Variants in PSMB7 observed in about 807,000 individuals in gnomAD.
The protein encoded by PSMB7 is proteasome subunit beta type-7.
PSMB7 carries 5 observed loss-of-function variants against 28.1 expected under a neutral mutation model. The observed-to-expected ratio is 0.18, with a 90% CI of 0.09 to 0.37. PSMB7 has a LOEUF of 0.37. Ranked by LOEUF, PSMB7 falls within the 10% of genes least tolerant of loss-of-function variation. PSMB7 has a pLI of 1.00. For synonymous variants in PSMB7, 122 were observed against 123.7 expected (o/e 0.99, Z 0.09); for missense variants, 275 against 346.2 (o/e 0.79, Z 1.63).
chr9:124,412,417 G>C lies in PSMB7; in HGVS notation c.330C>G (p.Ser110=), dbSNP rs1427478650. ...CTCTGGGAAGACGGCCAGTGGAGAG[G>C]GAGTGGAGCTCCAGGTTGGAAGAAA... ...QLISSNLELH[S]LSTGRLPRVV... Residue 110 remains serine (S), a synonymous_variant, in exon 4 of 8, where the codon TCC becomes TCG. Transcript: ENST00000259457. 6.2e-7 allele frequency: 1 copy of C among 1,613,998 alleles called. No homozygotes were observed. Among genetic ancestry groups the C allele is most frequent in the Admixed American group, 1.7e-5 (1 of 60,006 alleles).
At chr9:124,362,135 T>C (rs917892778) in intron 6 of PSMB7, among the ~76,000 whole-genome samples, 1 of 152,214 alleles carries the variant, frequency 6.6e-6, no homozygotes, top group African/African-American at 2.4e-5. Context: ...ATACATAGCT[T>C]TGGAATGTGA....
rs975779655 is a variant in PSMB7 at position 124,356,076 on chromosome 9, G to A, written c.722+688C>T. 3.9e-5 allele frequency among the ~76,000 whole-genome samples: 6 copies of A among 152,208 alleles called. No individual in the cohort carries two copies. The highest frequency in any genetic ancestry group is 2.1e-4 in the South Asian group (1 of 4,822). ...TCAGGGAGCCCATCCTGACCTGCCC[G>A]GGCTCCCAGAAGAGGTCAGGAGCCA... On this transcript the variant is annotated intron_variant, in intron 7 of 7. Transcript: ENST00000259457. The surrounding 1 kb of genome is among the most constrained non-coding windows in gnomAD (Gnocchi z 4.4).
intron 5 of PSMB7, among the ~76,000 whole-genome samples, chr9:124,385,389 C>T (rs777231619): frequency 1.3e-5 from 2 of 152,176 alleles, no homozygotes; most frequent in Non-Finnish European, 2.9e-5. Flanking sequence ...AAAAGTAGGA[C>T]GTAAAGCCAT....
chr9:124,403,042 T>C (rs969807465), intron 5 of PSMB7, among the ~76,000 whole-genome samples: 2 of 152,148 alleles, frequency 1.3e-5, no homozygotes, highest in Admixed American at 1.3e-4. Context: ...GCAGTTTTCC[T>C]AGATGTGGAG....
At chr9:124,410,064 A>T (rs1397158297) in intron 4 of PSMB7, among the ~76,000 whole-genome samples, 1 of 149,548 alleles carries the variant, frequency 6.7e-6, no homozygotes, top group African/African-American at 2.5e-5. Context: ...GCTGGAGTAC[A>T]GTGGCACAAT....
At chr9:124,405,092 T>C (rs1363714694) in intron 5 of PSMB7, among the ~76,000 whole-genome samples, 1 of 152,154 alleles carries the variant, frequency 6.6e-6, no homozygotes, top group African/African-American at 2.4e-5. Flanking sequence ...CTCACTAAAA[T>C]ACAAAATCCT....
At chr9:124,407,655 T>C (rs935078820) in intron 4 of PSMB7, among the ~76,000 whole-genome samples, 1 of 152,256 alleles carries the variant, frequency 6.6e-6, no homozygotes, top group Non-Finnish European at 1.5e-5. Context: ...TTGAAGTCAT[T>C]AAAATTTTAA....
At chr9:124,403,971 A>G (rs1830938083) in intron 5 of PSMB7, among the ~76,000 whole-genome samples, 1 of 150,964 alleles carries the variant, frequency 6.6e-6, no homozygotes, top group Admixed American at 6.6e-5. Flanking sequence ...AGCTCATTGC[A>G]ACCTCAAACT....
At chr9:124,388,751 C>T (rs1185926846) in intron 5 of PSMB7, among the ~76,000 whole-genome samples, 1 of 152,188 alleles carries the variant, frequency 6.6e-6, no homozygotes, top group Non-Finnish European at 1.5e-5. Context: ...CCATGATTTC[C>T]TAAATGCCCG....
chr9:124,372,647 A>G (rs1001940769), intron 6 of PSMB7, among the ~76,000 whole-genome samples: 2 of 152,150 alleles, frequency 1.3e-5, no homozygotes, highest in African/African-American at 4.8e-5. Flanking sequence ...ATTTCCTTCA[A>G]CCCTTCCCCA....
intron 6 of PSMB7, among the ~76,000 whole-genome samples, chr9:124,373,717 A>T (rs12340023): frequency 6.6e-6 from 1 of 152,190 alleles, no homozygotes; most frequent in Non-Finnish European, 1.5e-5. Context: ...CCAAAGGATG[A>T]TAAGTCTTGG....
At chr9:124,368,700 A>G (rs1447372060) in intron 6 of PSMB7, among the ~76,000 whole-genome samples, 1 of 152,258 alleles carries the variant, frequency 6.6e-6, no homozygotes, top group Non-Finnish European at 1.5e-5. Flanking sequence ...ATCAAAAGCA[A>G]TTTAATTTTC....
At chr9:124,405,707 G>A (rs919038924) in intron 4 of PSMB7, among the ~76,000 whole-genome samples, 2 of 151,880 alleles carry the variant, frequency 1.3e-5, no homozygotes, top group East Asian at 3.9e-4. Context: ...TTTGAGACAG[G>A]GTCTCACTCT....
At chr9:124,359,580 C>T (rs973247496) in intron 6 of PSMB7, among the ~76,000 whole-genome samples, 1 of 152,248 alleles carries the variant, frequency 6.6e-6, no homozygotes, top group African/African-American at 2.4e-5. Context: ...AGCCACAAGG[C>T]CGCAGCACCA....
chr9:124,383,523 G>A (rs1405858473), intron 6 of PSMB7: 1 of 152,102 alleles, frequency 6.6e-6, no homozygotes, highest in Non-Finnish European at 1.5e-5. Flanking sequence ...ACAGCACTTG[G>A]TCCAAACCTA....
chr9:124,405,555 G>A (rs1033891281), intron 4 of PSMB7, 123 bp from the exon 5 acceptor site: 1 of 634,592 alleles, frequency 1.6e-6, no homozygotes, highest in Non-Finnish European at 2.8e-6. Context: ...TTCATTAAGG[G>A]GTTATTGTTT....
At chr9:124,367,605 C>G (rs1830520305) in intron 6 of PSMB7, among the ~76,000 whole-genome samples, 1 of 152,058 alleles carries the variant, frequency 6.6e-6, no homozygotes, top group African/African-American at 2.4e-5. Flanking sequence ...TTGACAGAGG[C>G]AAAGAATTTG....
chr9:124,365,943 G>C (rs1052100072), intron 6 of PSMB7, among the ~76,000 whole-genome samples: 6 of 152,158 alleles, frequency 3.9e-5, no homozygotes, highest in African/African-American at 1.4e-4. Flanking sequence ...GAGAGAAAGA[G>C]AGAGAGATTA....
chr9:124,406,112 T>A (rs10986333), intron 4 of PSMB7, among the ~76,000 whole-genome samples: 62,924 of 152,054 alleles, frequency 0.41, 13,295 homozygotes, highest in African/African-American at 0.45. Context: ...ATCAGCACTT[T>A]TCCCATCACA....
Sources: allele counts gnomAD v4.1 joint callset (sites outside exome capture counted in the v4.1 genomes callset), GRCh38; gene constraint gnomAD v4.1.1; non-coding constraint Gnocchi (gnomAD v3.1); transcripts MANE v1.5; gene names NCBI Gene and HGNC (gene_info 2026-07-23, HGNC 2026-07-21).